The following HPSE2 variants were observed in gnomAD, a reference collection of about 807,000 sequenced individuals.
HPSE2 encodes inactive heparanase-2.
In HPSE2, 38 loss-of-function variants were observed where a neutral mutation model predicts 60.5. The observed-to-expected ratio is 0.63, with a 90% CI of 0.48 to 0.82. The LOEUF is 0.82. HPSE2 is among the 40% of genes least tolerant of loss of function. The probability of loss-of-function intolerance (pLI) is 0.00; values close to 1 mark genes in which losing one functional copy is unlikely to be tolerated. For missense variants in HPSE2, 713 were observed against 740.4 expected, an observed-to-expected ratio of 0.96 and a Z score of 0.43; for synonymous variants, 295 against 293.2, an observed-to-expected ratio of 1.01 and a Z score of -0.06.
rs1946048279 is a variant in HPSE2, at chr10:98,620,654, T to TCTC, written c.1152_1153insGAG (p.Thr384_Thr385insGlu). The TCTC allele has an allele frequency of 6.2e-7, 1 of 1,613,980 alleles. No individual in the cohort carries two copies. The highest frequency in any genetic ancestry group is 8.5e-7 in the Non-Finnish European group (1 of 1,179,994). On this transcript the variant is annotated inframe_insertion, in exon 8 of 12. Transcript: ENST00000370552. ...AGATTGTTTGTGCCTCCAGCTGAGG[T>TCTC]GGTCACCACACCTTCAAGCCAAATC... is the stretch of plus-strand genomic sequence containing the variant.
intron 3 of HPSE2, among the ~76,000 whole-genome samples, chr10:98,860,449 A>G (rs1952430235): frequency 6.6e-6 from 1 of 152,236 alleles, no homozygotes. Flanking sequence ...GAAAAACCAT[A>G]AAAATGGCTA....
At chr10:99,151,964 G>C (rs754978536) in intron 2 of HPSE2, among the ~76,000 whole-genome samples, 3 of 151,568 alleles carry the variant, frequency 2.0e-5, no homozygotes, top group Non-Finnish European at 4.4e-5. Context: ...ATAATTCTAT[G>C]TTCAGCAAAA....
At chr10:98,901,187 ATTGT>A (rs1338816121) in intron 3 of HPSE2, among the ~76,000 whole-genome samples, 2 of 152,302 alleles carry the variant, frequency 1.3e-5, no homozygotes, top group African/African-American at 4.8e-5. Flanking sequence ...CAGATTAGTG[ATTGT>A]TTGGGGCTGG....
the HPSE2 span, among the ~76,000 whole-genome samples, chr10:99,290,575 C>G: frequency 6.7e-6 from 1 of 150,206 alleles, no homozygotes; most frequent in Non-Finnish European, 1.5e-5. Context: ...AAATTTTCCA[C>G]CTCAGACCAG....
intron 3 of HPSE2, among the ~76,000 whole-genome samples, chr10:98,765,262 T>C (rs11189811): frequency 0.69 from 105,337 of 152,004 alleles, 37,601 homozygotes; most frequent in Non-Finnish European, 0.8. Context: ...TTCTGGGCCA[T>C]AACTTAAGCA....
At chr10:98,779,285 C>A (rs1950413262) in intron 3 of HPSE2, among the ~76,000 whole-genome samples, 2 of 152,090 alleles carry the variant, frequency 1.3e-5, no homozygotes, top group South Asian at 4.1e-4. Flanking sequence ...ACTTTTAAAT[C>A]ACTCAATCTC....
rs376188144 is a variant in HPSE2, at chr10:98,744,062, A to G, written c.611-6T>C. On this transcript the variant is annotated splice_polypyrimidine_tract_variant and splice_region_variant and intron_variant, in intron 3 of 11. Transcript: ENST00000370552. Reference sequence around the variant, plus strand: ...AAGTTTGTCTAGAGACCTGGCTGGGAAGAAGCAGAGAAAGGCTTGTAACTT... The same window carrying G: ...AAGTTTGTCTAGAGACCTGGCTGGGGAGAAGCAGAGAAAGGCTTGTAACTT... 2.4e-5 allele frequency: 38 copies of G among 1,613,478 alleles called. No individual in the cohort carries two copies. The African/African-American group carries it at 4.4e-4, about 19-fold the overall frequency.
intron 3 of HPSE2, among the ~76,000 whole-genome samples, chr10:99,061,899 A>G (rs2135525283): frequency 6.6e-6 from 1 of 152,294 alleles, no homozygotes; most frequent in African/African-American, 2.4e-5. Flanking sequence ...TGGGGAGATA[A>G]TTTTGGTTTT....
chr10:98,615,087 C>G (rs1945869856), intron 8 of HPSE2, 69 bp from the exon 9 acceptor site: 1 of 1,108,174 alleles, frequency 9.0e-7, no homozygotes, highest in African/African-American at 1.5e-5. Context: ...TCTATAGAGA[C>G]TGGCTACTAT....
the HPSE2 span, among the ~76,000 whole-genome samples, chr10:99,290,180 C>A: frequency 6.6e-6 from 1 of 152,094 alleles, no homozygotes; most frequent in East Asian, 1.9e-4. Flanking sequence ...GAGTAGGGGG[C>A]AGGGAAGAGA....
At chr10:99,074,864 G>C (rs1842909122) in intron 3 of HPSE2, among the ~76,000 whole-genome samples, 1 of 151,944 alleles carries the variant, frequency 6.6e-6, no homozygotes, top group Non-Finnish European at 1.5e-5. Context: ...AGTCTCTTAT[G>C]ATTCTTTGTA....
chr10:98,609,839 C>CTTTTTTTTTT (rs34422929), intron 9 of HPSE2, among the ~76,000 whole-genome samples: 3 of 126,176 alleles, frequency 2.4e-5, no homozygotes, highest in East Asian at 2.2e-4. Context: ...TCTTCTTCTT[C>CTTTTTTTTTT]TTTTTTTTTT....
At chr10:99,152,597 G>C (rs1846317249) in intron 2 of HPSE2, among the ~76,000 whole-genome samples, 3 of 152,084 alleles carry the variant, frequency 2.0e-5, no homozygotes, top group Admixed American at 2.0e-4. Flanking sequence ...TAACACAATA[G>C]AAAGGATAAG....
At chr10:99,155,936 G>A (rs1032129029) in intron 2 of HPSE2, among the ~76,000 whole-genome samples, 21 of 151,686 alleles carry the variant, frequency 1.4e-4, no homozygotes, top group African/African-American at 5.1e-4. Flanking sequence ...CGATCCCACA[G>A]AAATACAAAC....
intron 7 of HPSE2, among the ~76,000 whole-genome samples, chr10:98,629,972 A>G (rs564130446): frequency 1.3e-5 from 2 of 152,284 alleles, no homozygotes; most frequent in African/African-American, 2.4e-5. Context: ...TATTTTATCT[A>G]TTTGTCCATG....
intron 3 of HPSE2, among the ~76,000 whole-genome samples, chr10:99,000,826 AT>A (rs1956761714): frequency 6.6e-6 from 1 of 152,034 alleles, no homozygotes; most frequent in Admixed American, 6.6e-5. Context: ...CATTATTTTA[AT>A]TTTTATTTTT....
intron 3 of HPSE2, among the ~76,000 whole-genome samples, chr10:98,956,038 C>A (rs1642534856): frequency 6.6e-6 from 1 of 152,062 alleles, no homozygotes; most frequent in African/African-American, 2.4e-5. Context: ...ATAGGTACAG[C>A]AAACCACCAT....
chr10:98,587,302 G>A (rs1206581999), intron 9 of HPSE2, among the ~76,000 whole-genome samples: 4 of 152,142 alleles, frequency 2.6e-5, no homozygotes, highest in South Asian at 4.1e-4. Context: ...CACGCTGATT[G>A]AAAGCCTACT....
At chr10:99,205,738 G>A (rs745870982) in intron 2 of HPSE2, among the ~76,000 whole-genome samples, 16 of 152,130 alleles carry the variant, frequency 1.1e-4, no homozygotes, top group Non-Finnish European at 1.9e-4. Context: ...CCATAACTGC[G>A]TAAAATTAAC....
Sources: allele counts gnomAD v4.1 joint callset (sites outside exome capture counted in the v4.1 genomes callset), GRCh38; gene constraint gnomAD v4.1.1; transcripts MANE v1.5; gene names NCBI Gene and HGNC (gene_info 2026-07-23, HGNC 2026-07-21).